FHDC1: variants seen among roughly 807,000 people sequenced by gnomAD.
FHDC1 encodes FH2 domain-containing protein 1.
Under a neutral mutation model 52.6 loss-of-function variants are expected in FHDC1, and 25 were observed. The ratio of observed to expected loss-of-function variants is 0.48; its 90% CI spans 0.35 to 0.66. The LOEUF (loss-of-function observed/expected upper bound fraction) is 0.66. FHDC1 is among the 30% of genes least tolerant of loss of function. FHDC1 has a pLI of 0.01. For missense variants in FHDC1, 1,459 were observed against 1,452.8 expected (o/e 1.00, Z -0.07); for synonymous variants, 616 against 581.5 (o/e 1.06, Z -0.85).
intron 8 of FHDC1, 131 bp downstream of exon 8, chr4:152,963,261 T>C: frequency 4.1e-6 from 3 of 738,198 alleles, no homozygotes; most frequent in Non-Finnish European, 6.8e-6. Context: ...ATGGTTCTGT[T>C]TGTAGAAGCG....
At chr4:152,918,746 C>G in the FHDC1 span, among the ~76,000 whole-genome samples, 1 of 152,216 alleles carries the variant, frequency 6.6e-6, no homozygotes, top group Non-Finnish European at 1.5e-5. Context: ...ACTTAATTGG[C>G]CTGTATAAGT....
intron 8 of FHDC1, among the ~76,000 whole-genome samples, chr4:152,963,790 T>G (rs989165330): frequency 6.3e-5 from 9 of 142,060 alleles, no homozygotes; most frequent in Admixed American, 2.8e-4. Flanking sequence ...TTTTTTTTTT[T>G]TTTTTTTTTT....
chr4:152,924,072 C>T, the FHDC1 span, among the ~76,000 whole-genome samples: 1 of 150,584 alleles, frequency 6.6e-6, no homozygotes, highest in East Asian at 2.0e-4. Context: ...GAACAGGCAA[C>T]CTACAAAATG....
At chr4:152,916,194 CA>C in the FHDC1 span, among the ~76,000 whole-genome samples, 2 of 151,766 alleles carry the variant, frequency 1.3e-5, no homozygotes, top group East Asian at 1.9e-4. Flanking sequence ...GATCATAATT[CA>C]AAAAAAGTAG....
At chr4:152,967,864 A>C in intron 9 of FHDC1, 116 bp from the exon 10 acceptor site, 1 of 702,256 alleles carries the variant, frequency 1.4e-6, no homozygotes, top group South Asian at 1.8e-5. Context: ...AAATATCATC[A>C]CAGTAGCTCT....
intron 1 of FHDC1, 145 bp from the exon 2 acceptor site, chr4:152,942,783 C>A: frequency 2.5e-6 from 1 of 393,618 alleles, no homozygotes. Flanking sequence ...AGCGTTGGGT[C>A]CTTGTAATGC....
chr4:152,953,468 T>C, intron 2 of FHDC1, 31 bp from the exon 3 acceptor site: 1 of 1,557,984 alleles, frequency 6.4e-7, no homozygotes, highest in Non-Finnish European at 8.8e-7. Flanking sequence ...TTGAATTTAG[T>C]AATCCTATGT....
intron 2 of FHDC1, among the ~76,000 whole-genome samples, chr4:152,946,020 G>A (rs1482325233): frequency 1.3e-5 from 2 of 152,140 alleles, no homozygotes; most frequent in Non-Finnish European, 1.5e-5. Flanking sequence ...ATTTCACTTA[G>A]CGTAATGTCC....
chr4:152,960,483 G>C, intron 4 of FHDC1, 82 bp from the exon 5 acceptor site: 1 of 1,183,104 alleles, frequency 8.5e-7, no homozygotes, highest in Non-Finnish European at 1.2e-6. Flanking sequence ...TTTTTTAGAA[G>C]AATTGGAAGA....
intron 1 of FHDC1, among the ~76,000 whole-genome samples, chr4:152,942,181 T>C (rs1739592052): frequency 6.6e-6 from 1 of 152,140 alleles, no homozygotes; most frequent in Non-Finnish European, 1.5e-5. Context: ...TTCCAAAGAG[T>C]GGCTTAACTA....
the FHDC1 span, among the ~76,000 whole-genome samples, chr4:152,916,014 G>A: frequency 6.6e-6 from 1 of 152,032 alleles, no homozygotes; most frequent in Admixed American, 6.6e-5. Context: ...AAATTCCAGT[G>A]TACAGAAGAT....
At chr4:152,955,064 A>G (rs1740042701) in intron 4 of FHDC1, among the ~76,000 whole-genome samples, 1 of 152,212 alleles carries the variant, frequency 6.6e-6, no homozygotes, top group Non-Finnish European at 1.5e-5. Context: ...ACCTTTGCAT[A>G]GTATAAACCC....
At chr4:152,941,903 A>G (rs530327709) in intron 1 of FHDC1, among the ~76,000 whole-genome samples, 2 of 151,986 alleles carry the variant, frequency 1.3e-5, no homozygotes, top group East Asian at 3.9e-4. Context: ...TGGGGTACTC[A>G]CTCAATAGCC....
chr4:152,928,044 T>G, the FHDC1 span: 2 of 1,437,266 alleles, frequency 1.4e-6, no homozygotes, highest in Non-Finnish European at 2.0e-6. Context: ...GGCTCCTCCA[T>G]CCACTGCCCC....
At chr4:152,935,552 A>G (rs1739338812), upstream of FHDC1, among the ~76,000 whole-genome samples, 1 of 152,184 alleles carries the variant, frequency 6.6e-6, no homozygotes, top group Admixed American at 6.5e-5. Context: ...GAGGCCTGGC[A>G]AAATTTTTGA....
chr4:152,930,997 A>ACACACACACACTCTCTCT, the FHDC1 span, among the ~76,000 whole-genome samples: 18 of 113,248 alleles, frequency 1.6e-4, no homozygotes, highest in Middle Eastern at 4.8e-3. Flanking sequence ...ACACACACAC[A>ACACACACACACTCTCTCT]CTCTCTCTCT....
chr4:152,925,501 C>CTGA, the FHDC1 span, among the ~76,000 whole-genome samples: 10 of 152,028 alleles, frequency 6.6e-5, no homozygotes, highest in African/African-American at 2.4e-4. Context: ...GAGAAAGAGT[C>CTGA]TGATGGAAAT....
chr4:152,966,872 C>T (rs1419346327), intron 9 of FHDC1, among the ~76,000 whole-genome samples: 1 of 152,190 alleles, frequency 6.6e-6, no homozygotes, highest in Non-Finnish European at 1.5e-5. Context: ...GTGATCCCAG[C>T]ACTTTGGGAG....
At chr4:152,960,418 G>A in intron 4 of FHDC1, 147 bp from the exon 5 acceptor site, 1 of 753,778 alleles carries the variant, frequency 1.3e-6, no homozygotes, top group Non-Finnish European at 2.1e-6. Flanking sequence ...GCAGATGGGA[G>A]GATTTCCTTT....
Sources: gnomAD v4.1 joint callset for allele counts (sites outside exome capture counted in the v4.1 genomes callset) on GRCh38, gnomAD v4.1.1 for gene constraint, MANE v1.5 for transcripts, NCBI Gene and HGNC (gene_info 2026-07-23, HGNC 2026-07-21) for gene names.